RBPJ: variants seen among roughly 807,000 people sequenced by gnomAD.
RBPJ encodes the protein recombining binding protein suppressor of hairless.
In RBPJ, 9 loss-of-function variants were observed where a neutral mutation model predicts 67.8. The ratio of observed to expected loss-of-function variants is 0.13; its 90% CI spans 0.08 to 0.23. RBPJ has a LOEUF of 0.23. Among genes scored for constraint, RBPJ ranks in the 10% least tolerant of loss-of-function variants. The pLI, the probability that RBPJ is intolerant of heterozygous loss-of-function variation, is 1.00. For missense variants in RBPJ, 305 were observed against 595.6 expected, an observed-to-expected ratio of 0.51 and a Z score of 5.08; for synonymous variants, 198 against 203.3, an observed-to-expected ratio of 0.97 and a Z score of 0.22.
At chr4:26,318,514 A>G (rs1325602788), upstream of RBPJ, among the ~76,000 whole-genome samples, 2 of 152,246 alleles carry the variant, frequency 1.3e-5, no homozygotes, top group African/African-American at 4.8e-5. Flanking sequence ...TGGGAGGAAA[A>G]AACAGAAACT....
At chr4:26,356,766 T>C (rs1264047407) in intron 1 of RBPJ, among the ~76,000 whole-genome samples, 1 of 152,236 alleles carries the variant, frequency 6.6e-6, no homozygotes, top group Non-Finnish European at 1.5e-5. Flanking sequence ...GCAGTGAATA[T>C]CTTCGTGTCC....
At chr4:26,142,878 TTC>T in the RBPJ span, among the ~76,000 whole-genome samples, 1 of 152,092 alleles carries the variant, frequency 6.6e-6, no homozygotes, top group East Asian at 1.9e-4. Flanking sequence ...GCCTTCCAGG[TTC>T]AAGGGATTCT....
At chr4:26,165,820 C>T (rs1184376262) in intron 1 of RBPJ, among the ~76,000 whole-genome samples, 2 of 150,176 alleles carry the variant, frequency 1.3e-5, no homozygotes, top group Non-Finnish European at 3.0e-5. Context: ...CACCCATTAA[C>T]TCATCATTTA....
At chr4:26,251,665 T>C (rs1198814026) in intron 1 of RBPJ, among the ~76,000 whole-genome samples, 12 of 139,968 alleles carry the variant, frequency 8.6e-5, no homozygotes, top group Admixed American at 5.8e-4. Context: ...CTGGCTAACA[T>C]GGTGAAACCC....
At chr4:26,289,775 T>C (rs961933464) in intron 1 of RBPJ, among the ~76,000 whole-genome samples, 2 of 150,640 alleles carry the variant, frequency 1.3e-5, no homozygotes, top group East Asian at 4.0e-4. Context: ...CCCAGGTACC[T>C]TTCTCTCTAA....
upstream of RBPJ, among the ~76,000 whole-genome samples, chr4:26,317,180 T>A (rs1241550036): frequency 6.6e-6 from 1 of 151,242 alleles, no homozygotes; most frequent in Non-Finnish European, 1.5e-5. Flanking sequence ...TAATGATAGG[T>A]GCCATGGACA....
the RBPJ span, among the ~76,000 whole-genome samples, chr4:26,121,300 C>T: frequency 2.0e-5 from 3 of 152,048 alleles, no homozygotes; most frequent in East Asian, 3.9e-4. Context: ...TTCAAGTGCT[C>T]CTGCGTGGGT....
At chr4:26,370,508 A>G (rs1406130018) in intron 1 of RBPJ, among the ~76,000 whole-genome samples, 2 of 152,218 alleles carry the variant, frequency 1.3e-5, no homozygotes, top group African/African-American at 2.4e-5. Flanking sequence ...AATTAGTTTT[A>G]GACTCAACAA....
intron 7 of RBPJ, among the ~76,000 whole-genome samples, chr4:26,426,091 A>AG (rs774393537): frequency 1.3e-5 from 2 of 152,196 alleles, no homozygotes; most frequent in Non-Finnish European, 2.9e-5. Flanking sequence ...TATAATAAAA[A>AG]GGGTAACGTT....
Position 26,430,943 on chromosome 4 carries a change from G to A in RBPJ, c.1400G>A (p.Ser467Asn). 6.2e-7 allele frequency: 1 copy of A among 1,614,010 alleles called. No homozygotes were observed. Among genetic ancestry groups the A allele is most frequent in the Non-Finnish European group, 8.5e-7 (1 of 1,179,984 alleles). The change falls in exon 11 of 11, where the codon AGT (serine) becomes AAT (asparagine). Residue 467 changes from serine to asparagine, a missense_variant. Physicochemically the swap from Ser to Asn is conservative, Grantham distance 46 (BLOSUM62 1). Around this residue, in one of 7 missense-constraint regions of RBPJ, gnomAD observed 51 missense variants for 52.8 expected, o/e 0.97. Coordinates refer to ENST00000355476, the MANE Select transcript of RBPJ (RefSeq NM_015874.6). The surrounding 1 kb of genome is among the most constrained non-coding windows in gnomAD (Gnocchi z 4.1). ...PNESNTNSEG[S>N]YTNASTNSTS... is the part of the protein sequence containing the mutation. ...GAATCAAACACAAACAGCGAGGGAA[G>A]TTACACAAACGCCAGCACAAATTCA...
intron 3 of RBPJ, chr4:26,413,021 A>T (rs183066913): frequency 6.6e-6 from 1 of 152,234 alleles, no homozygotes; most frequent in Non-Finnish European, 1.5e-5. Context: ...GCTCTTTTCT[A>T]TTGGATTAGA....
At chr4:26,362,590 C>G in intron 1 of RBPJ, 1 of 1,613,868 alleles carries the variant, frequency 6.2e-7, no homozygotes, top group Non-Finnish European at 8.5e-7. Context: ...TGTGACTTAC[C>G]TTAACATGTT....
intron 1 of RBPJ, among the ~76,000 whole-genome samples, chr4:26,334,909 C>T (rs1456538944): frequency 6.6e-6 from 1 of 152,062 alleles, no homozygotes; most frequent in Non-Finnish European, 1.5e-5. Flanking sequence ...TTTTGTCTTC[C>T]TCTTGCTGTA....
chr4:26,107,524 G>A, the RBPJ span, among the ~76,000 whole-genome samples: 3 of 152,224 alleles, frequency 2.0e-5, no homozygotes, highest in South Asian at 4.1e-4. Context: ...GGATATTATA[G>A]CGTAGCTTGT....
At chr4:26,395,476 A>C (rs535046749) in intron 2 of RBPJ, among the ~76,000 whole-genome samples, 1 of 152,276 alleles carries the variant, frequency 6.6e-6, no homozygotes, top group South Asian at 2.1e-4. Flanking sequence ...AATGAGCTTT[A>C]TATCTATTGT....
At chr4:26,128,423 A>G in the RBPJ span, among the ~76,000 whole-genome samples, 1 of 152,216 alleles carries the variant, frequency 6.6e-6, no homozygotes, top group Non-Finnish European at 1.5e-5. Flanking sequence ...AGCACTTTCT[A>G]TGTGCCAAGC....
chr4:26,348,806 C>T (rs1275750131), intron 1 of RBPJ, among the ~76,000 whole-genome samples: 2 of 151,600 alleles, frequency 1.3e-5, no homozygotes, highest in African/African-American at 2.4e-5. Context: ...TGAGTTCAAG[C>T]CATCCTTCTG....
chr4:26,322,072 C>G (rs1481698196), intron 1 of RBPJ: 3 of 151,974 alleles, frequency 2.0e-5, no homozygotes, highest in Non-Finnish European at 4.4e-5. Context: ...GGAAAAAGAT[C>G]TGGTCTCTTG....
the RBPJ span, among the ~76,000 whole-genome samples, chr4:26,126,266 C>A: frequency 6.6e-6 from 1 of 152,204 alleles, no homozygotes; most frequent in Admixed American, 6.5e-5. Context: ...GGCTTTTAGC[C>A]TAGGAAGGAG....
Sources: allele counts gnomAD v4.1 joint callset (sites outside exome capture counted in the v4.1 genomes callset), GRCh38; gene constraint gnomAD v4.1.1; regional missense constraint gnomAD v4.1.1; non-coding constraint Gnocchi (gnomAD v3.1); transcripts MANE v1.5; gene names NCBI Gene and HGNC (gene_info 2026-07-23, HGNC 2026-07-21).